Variants in SGK3 observed in about 807,000 individuals in gnomAD.
The protein encoded by SGK3 is serine/threonine-protein kinase Sgk3.
A neutral mutation model predicts 68.5 loss-of-function variants in SGK3; 47 were observed. The ratio of observed to expected loss-of-function variants is 0.69; its 90% confidence interval spans 0.54 to 0.87. SGK3 has a LOEUF of 0.87. Ranked by LOEUF, SGK3 falls within the 40% of genes least tolerant of loss-of-function variation. SGK3 has a pLI of 0.00. For missense variants in SGK3, 479 were observed against 575.5 expected (o/e 0.83, Z 1.72); for synonymous variants, 181 against 189.1 (o/e 0.96, Z 0.35).
chr8:66,781,057 T>C, intron 1 of SGK3, among the ~76,000 whole-genome samples: 1 of 152,304 alleles, frequency 6.6e-6, no homozygotes, highest in East Asian at 1.9e-4. Flanking sequence ...GCCCCATCCA[T>C]CTGCCAGTCA....
intron 1 of SGK3, among the ~76,000 whole-genome samples, chr8:66,788,404 A>G (rs184730143): frequency 1.3e-5 from 2 of 152,330 alleles, no homozygotes; most frequent in East Asian, 1.9e-4. Flanking sequence ...AACCACAGAC[A>G]GTGATTGCTG....
chr8:66,817,258 C>T (rs1433088633), intron 5 of SGK3, among the ~76,000 whole-genome samples: 6 of 151,934 alleles, frequency 3.9e-5, no homozygotes, highest in African/African-American at 1.4e-4. Flanking sequence ...TGGTGAAACT[C>T]CATCTCTACT....
At chr8:66,859,342 A>G in intron 16 of SGK3, 69 bp from the exon 17 acceptor site, 1 of 1,431,602 alleles carries the variant, frequency 7.0e-7, no homozygotes, top group South Asian at 1.8e-5. Context: ...TCAAATAAAT[A>G]AATAAATAAA....
chr8:66,767,831 C>T (rs761799910), intron 1 of SGK3: 32 of 1,487,030 alleles, frequency 2.2e-5, no homozygotes, highest in Admixed American at 3.4e-5. Context: ...TTTCTGGTAG[C>T]TTTAGGTAAG....
intron 8 of SGK3, 102 bp from the exon 9 acceptor site, chr8:66,835,661 T>C: frequency 1.5e-6 from 2 of 1,305,940 alleles, no homozygotes; most frequent in Non-Finnish European, 2.1e-6. Flanking sequence ...TTATGGACTT[T>C]CTTTTTACAG....
intron 16 of SGK3, among the ~76,000 whole-genome samples, chr8:66,853,993 G>A (rs1810401820): frequency 6.6e-6 from 1 of 152,146 alleles, no homozygotes; most frequent in African/African-American, 2.4e-5. Flanking sequence ...ATTTAGGTAG[G>A]ATTTCATTGA....
intron 6 of SGK3, among the ~76,000 whole-genome samples, chr8:66,827,429 A>G (rs1256213739): frequency 2.0e-5 from 3 of 151,298 alleles, no homozygotes; most frequent in East Asian, 1.9e-4. Flanking sequence ...TGATTAGAGA[A>G]GTTTTTAAAA....
At chr8:66,761,346 C>T (rs1323093271) in intron 1 of SGK3, among the ~76,000 whole-genome samples, 2 of 152,144 alleles carry the variant, frequency 1.3e-5, no homozygotes, top group Non-Finnish European at 2.9e-5. Flanking sequence ...GTGAAGAATA[C>T]AATGACTACA....
chr8:66,795,831 CT>C (rs200461228), intron 2 of SGK3, among the ~76,000 whole-genome samples: 3,152 of 152,180 alleles, frequency 0.021, 57 homozygotes, highest in Admixed American at 0.049. Context: ...CACCCTACCC[CT>C]CTCACTCTCT....
chr8:66,724,338 A>G (rs1804915537), intron 1 of SGK3, among the ~76,000 whole-genome samples: 1 of 152,232 alleles, frequency 6.6e-6, no homozygotes, highest in South Asian at 2.1e-4. Context: ...CTGTAATCCC[A>G]GCACTTTGGG....
At chr8:66,828,579 ATACTT>A in intron 6 of SGK3, 70 bp from the exon 7 acceptor site, 1 of 1,598,574 alleles carries the variant, frequency 6.3e-7, no homozygotes, top group Non-Finnish European at 8.6e-7. Flanking sequence ...ACAGTTATAA[ATACTT>A]TATTTCAAAA....
chr8:66,797,587 G>C (rs1807751760), intron 2 of SGK3, among the ~76,000 whole-genome samples: 1 of 152,110 alleles, frequency 6.6e-6, no homozygotes, highest in African/African-American at 2.4e-5. Flanking sequence ...ATTATATGAG[G>C]TTATGTATAT....
intron 1 of SGK3, among the ~76,000 whole-genome samples, chr8:66,786,726 G>A (rs1807213844): frequency 6.6e-6 from 1 of 151,980 alleles, no homozygotes; most frequent in African/African-American, 2.4e-5. Flanking sequence ...GAGGCAAGTG[G>A]GTGGAATCTC....
intron 13 of SGK3, among the ~76,000 whole-genome samples, chr8:66,842,508 A>C (rs1330047238): frequency 6.6e-6 from 1 of 152,134 alleles, no homozygotes; most frequent in African/African-American, 2.4e-5. Context: ...TAGATCACAT[A>C]AAAAAGCTTA....
chr8:66,807,970 A>G (rs1316080196), intron 4 of SGK3, among the ~76,000 whole-genome samples: 1 of 152,144 alleles, frequency 6.6e-6, no homozygotes, highest in East Asian at 1.9e-4. Context: ...TCCAGAATAT[A>G]CCATTAAATG....
chr8:66,717,797 A>G (rs1221307729), intron 1 of SGK3, among the ~76,000 whole-genome samples: 3 of 151,402 alleles, frequency 2.0e-5, no homozygotes, highest in Admixed American at 6.6e-5. Flanking sequence ...TCCACCTCCC[A>G]GGTTCAAGCG....
chr8:66,816,587 G>T (rs923559137), intron 5 of SGK3, among the ~76,000 whole-genome samples: 1 of 152,008 alleles, frequency 6.6e-6, no homozygotes, highest in Admixed American at 6.6e-5. Flanking sequence ...TTCGTAATCT[G>T]CCTGCCTCGG....
At chr8:66,779,601 T>TATATATATAA (rs1554598086) in intron 1 of SGK3, among the ~76,000 whole-genome samples, 22 of 104,108 alleles carry the variant, frequency 2.1e-4, no homozygotes, top group African/African-American at 2.8e-4. Context: ...TATATATATA[T>TATATATATAA]AAAACACATT....
intron 1 of SGK3, among the ~76,000 whole-genome samples, chr8:66,769,623 C>A (rs1366784607): frequency 1.3e-5 from 2 of 152,188 alleles, no homozygotes; most frequent in South Asian, 2.1e-4. Flanking sequence ...TTAATCCTAT[C>A]TGGTGTATTT....
Sources: allele counts gnomAD v4.1 joint callset (sites outside exome capture counted in the v4.1 genomes callset), GRCh38; gene constraint gnomAD v4.1.1; transcripts MANE v1.5; gene names NCBI Gene and HGNC (gene_info 2026-07-23, HGNC 2026-07-21).